HBEGF: variants seen among roughly 807,000 people sequenced by gnomAD.
HBEGF encodes the protein heparin binding EGF like growth factor.
In HBEGF, 8 loss-of-function variants were observed where a neutral mutation model predicts 19.5. The ratio of observed to expected loss-of-function variants is 0.41; its 90% CI spans 0.24 to 0.74. HBEGF has a LOEUF of 0.74. HBEGF is among the 30% of genes least tolerant of loss of function. HBEGF has a pLI of 0.32. For missense variants in HBEGF, 207 were observed against 256.9 expected, an observed-to-expected ratio of 0.81 and a Z score of 1.33; for synonymous variants, 97 against 108.9, an observed-to-expected ratio of 0.89 and a Z score of 0.68.
intron 3 of HBEGF, 93 bp downstream of exon 3, chr5:140,342,542 A>G (rs1766329521): frequency 1.6e-6 from 2 of 1,228,752 alleles, no homozygotes; most frequent in Admixed American, 2.0e-5. Flanking sequence ...AACTGGGTGA[A>G]ATTATGAATT....
Position 140,339,364 on chromosome 5 carries a change from A to G in HBEGF, c.398+3271T>C, listed in dbSNP as rs529620052. Among the ~76,000 whole-genome samples, 3 of 152,258 alleles carry G rather than the reference A, an allele frequency of 2.0e-5. No individual in the cohort carries two copies. The East Asian group carries it at 5.8e-4, about 29-fold the overall frequency. Reference sequence around the variant, plus strand: ...TTTCTGGGTAGGCAACTAGTCAGGAATCCCAGGAAACTACTCTTTTATTTA... The same window carrying G: ...TTTCTGGGTAGGCAACTAGTCAGGAGTCCCAGGAAACTACTCTTTTATTTA... On this transcript the variant is annotated intron_variant, in intron 3 of 5. Coordinates refer to ENST00000230990, the MANE Select transcript of HBEGF (RefSeq NM_001945.3).
chr5:140,335,383 CA>C (rs752308223), intron 4 of HBEGF, among the ~76,000 whole-genome samples: 5,149 of 91,092 alleles, frequency 0.057, 198 homozygotes, highest in African/African-American at 0.16. Context: ...GACTCTGTCT[CA>C]AAAAAAAAAA....
At chr5:140,336,306 G>C (rs1766227221) in intron 3 of HBEGF, among the ~76,000 whole-genome samples, 1 of 152,194 alleles carries the variant, frequency 6.6e-6, no homozygotes, top group Non-Finnish European at 1.5e-5. Context: ...AAAAGCAAGG[G>C]AGGACTTGAA....
At chr5:140,341,178 G>A (rs1480257637) in intron 3 of HBEGF, among the ~76,000 whole-genome samples, 1 of 152,188 alleles carries the variant, frequency 6.6e-6, no homozygotes, top group East Asian at 1.9e-4. Context: ...ACCCATATCA[G>A]GTTCTCTGGG....
At chr5:140,344,471 T>C (rs566579831) in intron 2 of HBEGF, among the ~76,000 whole-genome samples, 6 of 152,314 alleles carry the variant, frequency 3.9e-5, no homozygotes, top group South Asian at 2.1e-4. Flanking sequence ...CTATAAGTGT[T>C]ACATTAGCCA....
chr5:140,334,492 C>T (rs1259916918), intron 5 of HBEGF, among the ~76,000 whole-genome samples, 166 bp downstream of exon 5: 1 of 152,150 alleles, frequency 6.6e-6, no homozygotes, highest in Non-Finnish European at 1.5e-5. Flanking sequence ...CAACTTTTAC[C>T]TTAAGTGAAG....
Position 140,346,192 on chromosome 5 carries a change from C to G in HBEGF, c.46+91G>C, listed in dbSNP as rs1411239417. On this transcript the variant is annotated intron_variant, in intron 1 of 5. Transcript: ENST00000230990. This position sits in a 1 kb window ranked among gnomAD's most constrained non-coding sequence, Gnocchi z 6.1. ...AGCGCAAGGGCCCCACCAAGTGGCC[C>G]GTGCCGGGTGCGCTGCGGCGACCTT... 7 of 1,556,090 alleles carry G rather than the reference C, an allele frequency of 4.5e-6. No individual in the cohort carries two copies. Among genetic ancestry groups the G allele is most frequent in the African/African-American group, 2.7e-5 (2 of 73,464 alleles).
chr5:140,339,426 CT>C (rs1766274710), intron 3 of HBEGF, among the ~76,000 whole-genome samples: 1 of 152,042 alleles, frequency 6.6e-6, no homozygotes, highest in Non-Finnish European at 1.5e-5. Flanking sequence ...GAGTTTTGCT[CT>C]TGTTGCCTAG....
Position 140,346,203 on chromosome 5 carries a change from C to T in HBEGF, c.46+80G>A. ...CCCACCAAGTGGCCCGTGCCGGGTG[C>T]GCTGCGGCGACCTTCCCCCATGCCC... On this transcript the variant is annotated intron_variant, in intron 1 of 5. Coordinates refer to ENST00000230990, the MANE Select transcript of HBEGF (RefSeq NM_001945.3). The surrounding 1 kb of genome is among the most constrained non-coding windows in gnomAD (Gnocchi z 6.1). 6.4e-7 allele frequency: 1 copy of T among 1,553,976 alleles called. No individual in the cohort carries two copies.
At chr5:140,339,223 G>A (rs1766272475) in intron 3 of HBEGF, among the ~76,000 whole-genome samples, 1 of 152,104 alleles carries the variant, frequency 6.6e-6, no homozygotes, top group Non-Finnish European at 1.5e-5. Flanking sequence ...TTCCTTCTTA[G>A]CACCTGGGCA....
At chr5:140,344,480 C>T (rs1284598307) in intron 2 of HBEGF, among the ~76,000 whole-genome samples, 2 of 152,116 alleles carry the variant, frequency 1.3e-5, no homozygotes, top group Non-Finnish European at 2.9e-5. Context: ...TTACATTAGC[C>T]AGGATAACAT....
intron 3 of HBEGF, among the ~76,000 whole-genome samples, chr5:140,341,213 T>C (rs1350627742): frequency 1.3e-5 from 2 of 152,140 alleles, no homozygotes; most frequent in East Asian, 1.9e-4. Flanking sequence ...CGAGTCCAGC[T>C]CTCCAGGAGG....
rs1159382356 is a variant in HBEGF at position 140,335,872 on chromosome 5, C to T, written c.554G>A (p.Arg185Lys). The change falls in exon 4 of 6, where the codon AGG (arginine) becomes AAG (lysine). Residue 185 changes from arginine to lysine, a missense_variant and splice_region_variant. Physicochemically the swap from Arg to Lys is conservative, Grantham distance 26. Around this residue, in one of 3 missense-constraint regions of HBEGF, gnomAD observed 77 missense variants for 106.9 expected, o/e 0.72. Coordinates refer to ENST00000230990, the MANE Select transcript of HBEGF (RefSeq NM_001945.3). ...GCCTGCAGGGGACCCCAACACTCACCTAAACATGAGAAGCCCCACGATGAC... is the reference window on the plus strand; with the variant it reads ...GCCTGCAGGGGACCCCAACACTCACTTAAACATGAGAAGCCCCACGATGAC... ...LLVIVGLLMF[R>K]YHRRGGYDVE... The T allele has an allele frequency of 1.2e-6, 2 of 1,613,866 alleles. No homozygotes were observed. The highest frequency in any genetic ancestry group is 2.2e-5 in the East Asian group (1 of 44,870).
intron 2 of HBEGF, among the ~76,000 whole-genome samples, chr5:140,343,308 C>T (rs1766343921): frequency 6.6e-6 from 1 of 152,120 alleles, no homozygotes; most frequent in Non-Finnish European, 1.5e-5. Context: ...TGGAGGGCTC[C>T]TAATATAAGA....
At chr5:140,338,563 C>G (rs1215765257) in intron 3 of HBEGF, among the ~76,000 whole-genome samples, 1 of 152,126 alleles carries the variant, frequency 6.6e-6, no homozygotes, top group African/African-American at 2.4e-5. Flanking sequence ...CTCAGAGTCC[C>G]GCAATTCAGT....
At chr5:140,336,339 C>T (rs908471801) in intron 3 of HBEGF, among the ~76,000 whole-genome samples, 5 of 152,196 alleles carry the variant, frequency 3.3e-5, no homozygotes, top group Admixed American at 6.5e-5. Context: ...ATATGTTCCA[C>T]GTGTGGCTGA....
intron 4 of HBEGF, 142 bp from the exon 5 acceptor site, chr5:140,334,890 G>C (rs1167716317): frequency 1.7e-5 from 12 of 701,940 alleles, no homozygotes; most frequent in Admixed American, 1.5e-4. Flanking sequence ...CCAAACTCTG[G>C]TCAAAGGCCC....
In HBEGF at chr5:140,342,748, C is replaced by A. The variant is rs1288405329; in HGVS notation, c.285G>T (p.Lys95Asn). The A allele has an allele frequency of 1.2e-6, 2 of 1,614,222 alleles. No homozygotes were observed. Among genetic ancestry groups the A allele is most frequent in the Non-Finnish European group, 1.7e-6 (2 of 1,180,044 alleles). ...TCTTCCCTAGCCCCTTGCCTTTCTT[C>A]TTTCTTTTCCCGTGCTCCTCCTTGT... ...TPNKEEHGKR[K>N]KKGKGLGKKR... Residue 95 changes from lysine to asparagine, a missense_variant, in exon 3 of 6, where the codon AAG becomes AAT. By Grantham distance (94) the Lys-to-Asn change is moderately conservative. Around this residue, in one of 3 missense-constraint regions of HBEGF, gnomAD observed 127 missense variants for 132.7 expected, o/e 0.96. Transcript: ENST00000230990.
intron 2 of HBEGF, among the ~76,000 whole-genome samples, chr5:140,343,595 A>G (rs1766348202): frequency 6.6e-6 from 1 of 152,230 alleles, no homozygotes; most frequent in Non-Finnish European, 1.5e-5. Flanking sequence ...GGAACTGTCC[A>G]GAAGGAACTG....
Sources: gnomAD v4.1 joint callset for allele counts (sites outside exome capture counted in the v4.1 genomes callset) on GRCh38, gnomAD v4.1.1 for gene constraint, gnomAD v4.1.1 regional missense constraint, Gnocchi (gnomAD v3.1) non-coding constraint, MANE v1.5 for transcripts, NCBI Gene and HGNC (gene_info 2026-07-23, HGNC 2026-07-21) for gene names.